The following CNTNAP5 variants were observed in gnomAD, a reference collection of about 807,000 sequenced individuals.
The protein encoded by CNTNAP5 is contactin-associated protein-like 5.
Under a neutral mutation model 150.2 loss-of-function variants are expected in CNTNAP5, and 72 were observed. The ratio of observed to expected loss-of-function variants is 0.48; its 90% CI spans 0.40 to 0.58. The LOEUF (loss-of-function observed/expected upper bound fraction) is 0.58, where lower values mean the gene tolerates loss of function less well. Ranked by LOEUF, CNTNAP5 falls within the 20% of genes least tolerant of loss-of-function variation. The probability of loss-of-function intolerance (pLI) is 0.00; values close to 1 mark genes in which losing one functional copy is unlikely to be tolerated. For synonymous variants in CNTNAP5, 672 were observed against 619.8 expected, an observed-to-expected ratio of 1.08 and a Z score of -1.25; for missense variants, 1,636 against 1,626.2, an observed-to-expected ratio of 1.01 and a Z score of -0.10.
chr2:124,864,320 A>C (rs1677583765), intron 19 of CNTNAP5, among the ~76,000 whole-genome samples: 2 of 152,196 alleles, frequency 1.3e-5, no homozygotes, highest in Non-Finnish European at 2.9e-5. Flanking sequence ...GGTAGTTAGC[A>C]CAACCATTAT....
At position 124,594,811 on chromosome 2, in the gene CNTNAP5, C is replaced by A. The variant is rs1325749317; in HGVS notation, c.1757-14990C>A. On this transcript the variant is annotated intron_variant, in intron 11 of 23. Coordinates refer to ENST00000682447, the MANE Select transcript of CNTNAP5 (RefSeq NM_001367498.1). The stretch of plus-strand genomic sequence containing the variant: ...ATTTGTTTGTATCCTCTTTTATTTC[C>A]TTGAGCAGTGGTTTGTAATTCTCCT... Among the ~76,000 whole-genome samples the A allele has an allele frequency of 1.8e-5, 2 of 111,530 alleles. 1 individual carries two copies. The highest frequency in any genetic ancestry group is 2.1e-4 in the Admixed American group (2 of 9,572). The allele number at this position is 111,530 out of a possible 152,430, so 73.2% of individuals were successfully genotyped here. A position where few individuals can be genotyped will look rare whatever the true frequency, so the allele number is the denominator to read the frequency against.
intron 19 of CNTNAP5, among the ~76,000 whole-genome samples, chr2:124,843,236 T>A (rs547422495): frequency 1.3e-5 from 2 of 152,274 alleles, no homozygotes; most frequent in South Asian, 4.1e-4. Context: ...GTAAATATCA[T>A]TAATTTGTTC....
intron 1 of CNTNAP5, among the ~76,000 whole-genome samples, chr2:124,135,520 A>G (rs1683955260): frequency 6.6e-6 from 1 of 152,250 alleles, no homozygotes; most frequent in Admixed American, 6.5e-5. Flanking sequence ...AAAAAAAATT[A>G]GAAAAGGAAC....
In CNTNAP5 at chr2:124,527,439, GT is replaced by G; in HGVS notation, c.1633del (p.Cys545ValfsTer96). ...GNFSDLHIDL[C>X]SIKDRCLPNY... ...ATTTTAGTGATTTACACATTGATCT[GT>G]GTAGCATCAAAGACAGGTAATTATT... On this transcript the variant is annotated frameshift_variant, in exon 10 of 24. Coordinates refer to ENST00000682447, the MANE Select transcript of CNTNAP5 (RefSeq NM_001367498.1). LOFTEE classifies it high-confidence loss of function. The G allele has an allele frequency of 6.2e-7, 1 of 1,612,982 alleles. No individual in the cohort carries two copies.
intron 3 of CNTNAP5, among the ~76,000 whole-genome samples, chr2:124,341,945 G>A (rs1210996579): frequency 3.9e-5 from 6 of 152,098 alleles, no homozygotes; most frequent in Admixed American, 3.9e-4. Flanking sequence ...CAGAAAATTG[G>A]GAGAAAATTG....
At chr2:124,043,181 G>A (rs1681430687) in intron 1 of CNTNAP5, among the ~76,000 whole-genome samples, 1 of 152,160 alleles carries the variant, frequency 6.6e-6, no homozygotes, top group African/African-American at 2.4e-5. Flanking sequence ...AAGGACCTTG[G>A]AAGTGATGTA....
chr2:124,778,103 G>C (rs949210631), intron 17 of CNTNAP5, among the ~76,000 whole-genome samples: 3 of 152,098 alleles, frequency 2.0e-5, no homozygotes, highest in Admixed American at 6.5e-5. Context: ...GACATTCAAG[G>C]ACCCAATCTG....
At chr2:124,306,645 A>G (rs962945452) in intron 3 of CNTNAP5, among the ~76,000 whole-genome samples, 2 of 151,552 alleles carry the variant, frequency 1.3e-5, no homozygotes, top group African/African-American at 2.4e-5. Flanking sequence ...CTATGGAACA[A>G]TCTCTACCCC....
At chr2:124,420,430 C>T (rs1485476792) in intron 4 of CNTNAP5, among the ~76,000 whole-genome samples, 2 of 152,102 alleles carry the variant, frequency 1.3e-5, no homozygotes, top group Admixed American at 1.3e-4. Flanking sequence ...TCTAAAACTT[C>T]TCTTTAGTTG....
chr2:124,436,690 A>T (rs1692539649), intron 5 of CNTNAP5, among the ~76,000 whole-genome samples: 2 of 152,216 alleles, frequency 1.3e-5, no homozygotes, highest in African/African-American at 2.4e-5. Flanking sequence ...TTGCTATGTT[A>T]CATAGATGGC....
At chr2:124,611,660 A>G (rs938366591) in intron 12 of CNTNAP5, among the ~76,000 whole-genome samples, 5 of 152,164 alleles carry the variant, frequency 3.3e-5, no homozygotes, top group Non-Finnish European at 5.9e-5. Flanking sequence ...AATTCAGTAA[A>G]TGCACTTTTA....
At chr2:124,375,780 T>C (rs1379346529) in intron 3 of CNTNAP5, among the ~76,000 whole-genome samples, 1 of 152,008 alleles carries the variant, frequency 6.6e-6, no homozygotes, top group East Asian at 1.9e-4. Context: ...CTAAAATTAT[T>C]TCCAAAAAAA....
intron 3 of CNTNAP5, among the ~76,000 whole-genome samples, chr2:124,267,513 G>C (rs1296021234): frequency 1.3e-5 from 2 of 152,104 alleles, no homozygotes; most frequent in Non-Finnish European, 2.9e-5. Flanking sequence ...TAATTGTGAA[G>C]TGTAAATATG....
At chr2:124,626,460 G>C (rs1404453921) in intron 12 of CNTNAP5, among the ~76,000 whole-genome samples, 1 of 152,096 alleles carries the variant, frequency 6.6e-6, no homozygotes, top group African/African-American at 2.4e-5. Context: ...TTTCACCTGG[G>C]AGCTGCACTG....
At chr2:124,073,570 A>G (rs1268259181) in intron 1 of CNTNAP5, among the ~76,000 whole-genome samples, 2 of 152,126 alleles carry the variant, frequency 1.3e-5, no homozygotes, top group Non-Finnish European at 2.9e-5. Flanking sequence ...AAAATAGCAA[A>G]CAGGCATATG....
chr2:124,145,834 A>ATAAAAAG (rs1558773954), intron 1 of CNTNAP5, among the ~76,000 whole-genome samples: 2 of 19,732 alleles, frequency 1.0e-4, no homozygotes, highest in African/African-American at 2.6e-4. Flanking sequence ...AAAAAGAAGA[A>ATAAAAAG]AAAAAAAAAA....
chr2:124,580,749 G>A (rs1411884174), intron 11 of CNTNAP5, among the ~76,000 whole-genome samples: 1 of 152,200 alleles, frequency 6.6e-6, no homozygotes, highest in Non-Finnish European at 1.5e-5. Flanking sequence ...ACCTATGCAT[G>A]TGTGTATCTG....
rs938281984 is a variant in CNTNAP5, at chr2:124,653,921, C to T, written c.2077+5963C>T. ...CCCCCACTGCCCCCAACCCCCCCCC[C>T]CCGCCACACACACACAATCAGTGCA... is the stretch of plus-strand genomic sequence containing the variant. On this transcript the variant is annotated intron_variant, in intron 13 of 23. Coordinates refer to ENST00000682447, the MANE Select transcript of CNTNAP5 (RefSeq NM_001367498.1). 5.0e-5 allele frequency among the ~76,000 whole-genome samples: 7 copies of T among 141,168 alleles called. 1 individual carries two copies. The highest frequency in any genetic ancestry group is 9.4e-5 in the Non-Finnish European group (6 of 63,898). 92.6% of individuals were successfully genotyped at this position (141,168 alleles called of 152,430 possible).
chr2:124,087,449 C>T (rs550655721), intron 1 of CNTNAP5, among the ~76,000 whole-genome samples: 115 of 151,784 alleles, frequency 7.6e-4, no homozygotes, highest in South Asian at 2.1e-3. Flanking sequence ...TTTGGCTGGG[C>T]GTAGTTGCTC....
Sources: gnomAD v4.1 joint callset for allele counts (sites outside exome capture counted in the v4.1 genomes callset) on GRCh38, gnomAD v4.1.1 for gene constraint, MANE v1.5 for transcripts, NCBI Gene and HGNC (gene_info 2026-07-23, HGNC 2026-07-21) for gene names.